Variants in BPIFA3 observed in about 807,000 individuals in gnomAD.
BPIFA3 encodes BPI fold containing family A member 3.
BPIFA3 carries 32 observed loss-of-function variants against 29.7 expected under a neutral mutation model. The ratio of observed to expected loss-of-function variants is 1.08; its 90% confidence interval spans 0.81 to 1.45. BPIFA3 has a LOEUF of 1.45. Ranked by LOEUF, BPIFA3 falls within the 40% of genes most tolerant of loss-of-function variation. BPIFA3 has a pLI of 0.00. For synonymous variants in BPIFA3, 112 were observed against 113.7 expected (o/e 0.98, Z 0.10); for missense variants, 323 against 311.3 (o/e 1.04, Z -0.28).
Position 33,227,518 on chromosome 20 carries a change from G to A in BPIFA3, c.686-20G>A, listed in dbSNP as rs773802857. 26 of 1,604,864 alleles carry A rather than the reference G, an allele frequency of 1.6e-5. No individual in the cohort carries two copies. Among genetic ancestry groups the A allele is most frequent in the African/African-American group, 2.7e-5 (2 of 74,820 alleles). On this transcript the variant is annotated intron_variant, in intron 6 of 6. Coordinates refer to ENST00000375454, the MANE Select transcript of BPIFA3 (RefSeq NM_178466.5). ...GGAGGTGGGCACACTGGTGACAGAC[G>A]CTACCTCTTCTCCTTACAGAACAGG...
At position 33,223,726 on chromosome 20, in the gene BPIFA3, A is replaced by G. The variant is rs561226300; in HGVS notation, c.128-85A>G. 9 of 1,482,482 alleles carry G rather than the reference A, an allele frequency of 6.1e-6. No individual in the cohort carries two copies. In the South Asian group the frequency reaches 1.0e-4, roughly 17 times the overall value. 91.8% of individuals were successfully genotyped at this position (1,482,482 alleles called of 1,614,324 possible). On this transcript the variant is annotated intron_variant, in intron 1 of 6. Transcript: ENST00000375454. ...TCACTAAGCAATCAGATCTTGCACC[A>G]GCCTGCAACCCAGGCCTCCGAATCC...
chr20:33,226,618 T>C (rs1214144829), intron 5 of BPIFA3, 128 bp downstream of exon 5: 6 of 769,304 alleles, frequency 7.8e-6, no homozygotes, highest in Non-Finnish European at 1.2e-5. Context: ...CAATTTAAAA[T>C]TTCAGTTTGG....
chr20:33,221,149 ATTTTTTTT>A (rs11468471), intron 1 of BPIFA3, among the ~76,000 whole-genome samples: 1 of 138,478 alleles, frequency 7.2e-6, no homozygotes, highest in East Asian at 2.2e-4. Flanking sequence ...GTACTGTTAG[ATTTTTTTT>A]TTTTTTTTTT....
rs761510570 is a variant in BPIFA3, at chr20:33,225,230, T to A, written c.519T>A (p.His173Gln). Reference protein sequence around the residue: ...GKCDAEPSSVHVAILTEAIPP... With the variant: ...GKCDAEPSSVQVAILTEAIPP... Reference sequence around the variant, plus strand: ...GCGATGCAGAGCCCAGCAGTGTCCATGTGGCCATCCTCACTGAGTAAGACC... The same window carrying A: ...GCGATGCAGAGCCCAGCAGTGTCCAAGTGGCCATCCTCACTGAGTAAGACC... The change falls in exon 4 of 7, where the codon CAT becomes CAA. Residue 173 changes from histidine to glutamine, a missense_variant. Transcript: ENST00000375454. 6.2e-7 allele frequency: 1 copy of A among 1,613,942 alleles called. No individual in the cohort carries two copies. Among genetic ancestry groups the A allele is most frequent in the Non-Finnish European group, 8.5e-7 (1 of 1,180,018 alleles).
intron 6 of BPIFA3, 126 bp from the exon 7 acceptor site, chr20:33,227,412 G>T: frequency 1.3e-6 from 1 of 742,110 alleles, no homozygotes; most frequent in Non-Finnish European, 2.4e-6. Flanking sequence ...ATCATTTGGG[G>T]AGGGTTTTCA....
At chr20:33,226,248 T>C (rs974605110) in intron 4 of BPIFA3, 158 bp from the exon 5 acceptor site, 1 of 627,744 alleles carries the variant, frequency 1.6e-6, no homozygotes, top group Non-Finnish European at 2.8e-6. Flanking sequence ...TTGGGCAAGG[T>C]CTGAGCTACC....
rs748966676 is a variant in BPIFA3 at position 33,227,606 on chromosome 20, T to A, written c.754T>A (p.Ser252Thr). 2.5e-6 allele frequency: 4 copies of A among 1,613,036 alleles called. No homozygotes were observed. In the East Asian group the frequency reaches 8.9e-5, roughly 36 times the overall value. Residue 252 changes from serine to threonine, a missense_variant, in exon 7 of 7, where the codon TCC (serine) becomes ACC (threonine). By Grantham distance (58) the Ser-to-Thr change is moderately conservative. Coordinates refer to ENST00000375454, the MANE Select transcript of BPIFA3 (RefSeq NM_178466.5). The part of the protein sequence containing the change: ...SQPSACQAGE[S>T]PS ...ACCCTCTGCATGCCAGGCTGGAGAGTCCCCCAGCTGACTTCTGCTGATCAG... is the reference window on the plus strand; with the variant it reads ...ACCCTCTGCATGCCAGGCTGGAGAGACCCCCAGCTGACTTCTGCTGATCAG...
At chr20:33,219,698 C>T (rs934204902) in intron 1 of BPIFA3, among the ~76,000 whole-genome samples, 2 of 152,220 alleles carry the variant, frequency 1.3e-5, no homozygotes, top group East Asian at 1.9e-4. Flanking sequence ...TGTATCTGTA[C>T]ATCTGTTTTA....
rs913126242 is a variant in BPIFA3 at position 33,226,915 on chromosome 20, G to T, written c.622-15G>T. On this transcript the variant is annotated splice_polypyrimidine_tract_variant and intron_variant, in intron 5 of 6. Coordinates refer to ENST00000375454, the MANE Select transcript of BPIFA3 (RefSeq NM_178466.5). Reference sequence around the variant, plus strand: ...AGCCCCTGGCCTGATCCTTCTCTCTGTGCTGATGGTCCAGGTATGTCCTCT... The same window carrying T: ...AGCCCCTGGCCTGATCCTTCTCTCTTTGCTGATGGTCCAGGTATGTCCTCT... 2 of 1,614,112 alleles carry T rather than the reference G, an allele frequency of 1.2e-6. No individual in the cohort carries two copies. Among genetic ancestry groups the T allele is most frequent in the Admixed American group, 3.3e-5 (2 of 60,024 alleles).
At chr20:33,227,410 G>T in intron 6 of BPIFA3, 128 bp from the exon 7 acceptor site, 1 of 732,344 alleles carries the variant, frequency 1.4e-6, no homozygotes, top group East Asian at 2.5e-5. Context: ...GCATCATTTG[G>T]GGAGGGTTTT....
rs2146490143 is a variant in BPIFA3 at position 33,226,921 on chromosome 20, A to G, written c.622-9A>G. The G allele has an allele frequency of 5.6e-6, 9 of 1,614,068 alleles. No homozygotes were observed. The highest frequency in any genetic ancestry group is 7.6e-6 in the Non-Finnish European group (9 of 1,179,966). ...TGGCCTGATCCTTCTCTCTGTGCTG[A>G]TGGTCCAGGTATGTCCTCTGATCGG... On this transcript the variant is annotated splice_polypyrimidine_tract_variant and intron_variant, in intron 5 of 6. Coordinates refer to ENST00000375454, the MANE Select transcript of BPIFA3 (RefSeq NM_178466.5).
intron 2 of BPIFA3, 31 bp from the exon 3 acceptor site, chr20:33,224,324 C>T (rs1290821965): frequency 1.3e-6 from 2 of 1,583,604 alleles, no homozygotes; most frequent in South Asian, 1.1e-5. Context: ...GTCCCTCACC[C>T]TTGTGGGGCC....
chr20:33,225,527 A>T, intron 4 of BPIFA3: 1 of 418,038 alleles, frequency 2.4e-6, no homozygotes, highest in Non-Finnish European at 4.4e-6. Context: ...CTCCTACTCC[A>T]CTACCTGGAG....
In BPIFA3 at chr20:33,227,642, C is replaced by G. The variant is rs566604939; in HGVS notation, c.*25C>G. On this transcript the variant is annotated 3_prime_UTR_variant, in exon 7 of 7. Transcript: ENST00000375454. Reference sequence around the variant, plus strand: ...ACTTCTGCTGATCAGAAGGAAAGTCCACATCTTGCAACCTTAAGTCTCCCT... The same window carrying G: ...ACTTCTGCTGATCAGAAGGAAAGTCGACATCTTGCAACCTTAAGTCTCCCT... 1 of 1,595,092 alleles carries G rather than the reference C, an allele frequency of 6.3e-7. No homozygotes were observed. The highest frequency in any genetic ancestry group is 1.3e-5 in the African/African-American group (1 of 74,586).
At chr20:33,226,292 A>G (rs1227957074) in intron 4 of BPIFA3, 114 bp from the exon 5 acceptor site, 3 of 762,092 alleles carry the variant, frequency 3.9e-6, no homozygotes, top group Non-Finnish European at 6.7e-6. Context: ...TACTTCTGGC[A>G]TGGGGCTGAG....
Position 33,227,429 on chromosome 20 carries a change from C to T in BPIFA3, c.686-109C>T, listed in dbSNP as rs185149978. 1.2e-4 allele frequency: 105 copies of T among 894,102 alleles called. 1 individual carries two copies. The highest frequency in any genetic ancestry group is 9.9e-4 in the East Asian group (41 of 41,208). 55.4% of individuals were successfully genotyped at this position (894,102 alleles called of 1,614,324 possible). A position where few individuals can be genotyped will look rare whatever the true frequency, so the allele number is the denominator to read the frequency against. On this transcript the variant is annotated intron_variant, in intron 6 of 6. Coordinates refer to ENST00000375454, the MANE Select transcript of BPIFA3 (RefSeq NM_178466.5). ...CATTTGGGGAGGGTTTTCACGTGAA[C>T]GCTCCCGGCACCTGCCTTTGGTCAC...
At chr20:33,219,813 A>C (rs1985425663) in intron 1 of BPIFA3, among the ~76,000 whole-genome samples, 1 of 152,214 alleles carries the variant, frequency 6.6e-6, no homozygotes, top group South Asian at 2.1e-4. Context: ...GAGTTCCTTT[A>C]AAAAATTCGT....
chr20:33,217,428 T>G lies in BPIFA3; in HGVS notation c.-109T>G, dbSNP rs1371224710. Reference sequence around the variant, plus strand: ...ACAGCATGCTGGGGGCTAATTCTGATGTCATCTTTCTGCAGAAAACCATTA... The same window carrying G: ...ACAGCATGCTGGGGGCTAATTCTGAGGTCATCTTTCTGCAGAAAACCATTA... On this transcript the variant is annotated 5_prime_UTR_variant, in exon 1 of 7. An upstream start codon of the reference 5' UTR is lost. Coordinates refer to ENST00000375454, the MANE Select transcript of BPIFA3 (RefSeq NM_178466.5). 1.4e-6 allele frequency: 2 copies of G among 1,384,578 alleles called. No individual in the cohort carries two copies. Among genetic ancestry groups the G allele is most frequent in the Admixed American group, 2.2e-5 (1 of 44,854 alleles). 85.8% of individuals were successfully genotyped at this position (1,384,578 alleles called of 1,614,324 possible). A position where few individuals can be genotyped will look rare whatever the true frequency, so the allele number is the denominator to read the frequency against.
chr20:33,223,703 A>G lies in BPIFA3; in HGVS notation c.128-108A>G, dbSNP rs554834703. 28 of 1,245,272 alleles carry G rather than the reference A, an allele frequency of 2.2e-5. No individual in the cohort carries two copies. The African/African-American group carries it at 4.0e-4, about 18-fold the overall frequency. 77.1% of individuals were successfully genotyped at this position (1,245,272 alleles called of 1,614,324 possible). On this transcript the variant is annotated intron_variant, in intron 1 of 6. Coordinates refer to ENST00000375454, the MANE Select transcript of BPIFA3 (RefSeq NM_178466.5). Reference sequence around the variant, plus strand: ...GGGGAGGTGGTGACATGCACCACTCACTAAGCAATCAGATCTTGCACCAGC... The same window carrying G: ...GGGGAGGTGGTGACATGCACCACTCGCTAAGCAATCAGATCTTGCACCAGC...
Sources: gnomAD v4.1 joint callset for allele counts (sites outside exome capture counted in the v4.1 genomes callset) on GRCh38, gnomAD v4.1.1 for gene constraint, MANE v1.5 for transcripts, NCBI Gene and HGNC (gene_info 2026-07-23, HGNC 2026-07-21) for gene names.